Variants in WDR36 observed in about 807,000 individuals in gnomAD.
WDR36 encodes WD repeat-containing protein 36.
A neutral mutation model predicts 112.7 loss-of-function variants in WDR36; 63 were observed. The observed-to-expected ratio is 0.56, with a 90% confidence interval of 0.46 to 0.69. The LOEUF (loss-of-function observed/expected upper bound fraction) is 0.69. WDR36 is among the 30% of genes least tolerant of loss of function. WDR36 has a pLI of 0.00. For synonymous variants in WDR36, 410 were observed against 362.2 expected, an observed-to-expected ratio of 1.13 and a Z score of -1.50; for missense variants, 1,226 against 1,070.3, an observed-to-expected ratio of 1.15 and a Z score of -2.03.
In WDR36 at chr5:111,094,941, G is replaced by A. The variant is rs953299309; in HGVS notation, c.184G>A (p.Ala62Thr). The change falls in exon 2 of 23, where the codon GCA becomes ACA. Residue 62 changes from alanine (A) to threonine (T), a missense_variant. Coordinates refer to ENST00000513710, the MANE Select transcript of WDR36 (RefSeq NM_139281.3). ...TYDVQKLSLV[A>T]VSNSVPQDIC... ...ACAGGTTCAGAAACTTAGTCTGGTT[G>A]CAGTAAGTAAGTATGGACTTTATTC... is the stretch of plus-strand genomic sequence containing the variant. 26 of 1,606,534 alleles carry A rather than the reference G, an allele frequency of 1.6e-5. No homozygotes were observed. Among genetic ancestry groups the A allele is most frequent in the Non-Finnish European group, 2.1e-5 (25 of 1,175,516 alleles).
At position 111,129,981 on chromosome 5, in the gene WDR36, A is replaced by C. The variant is rs749901344; in HGVS notation, c.*3098A>C. ...TGAAATGCTGTTTCATTATGTGTTAAATTCTTTCACTGAGCTCTTCCATAT... is the reference window on the plus strand; with the variant it reads ...TGAAATGCTGTTTCATTATGTGTTACATTCTTTCACTGAGCTCTTCCATAT... On this transcript the variant is annotated 3_prime_UTR_variant, in exon 23 of 23. Coordinates refer to ENST00000513710, the MANE Select transcript of WDR36 (RefSeq NM_139281.3). 4.7e-6 allele frequency: 1 copy of C among 211,070 alleles called. No homozygotes were observed. Among genetic ancestry groups the C allele is most frequent in the African/African-American group, 2.3e-5 (1 of 44,100 alleles). The allele number at this position is 211,070 out of a possible 1,614,324, so 13.1% of individuals were successfully genotyped here. A position where few individuals can be genotyped will look rare whatever the true frequency, so the allele number is the denominator to read the frequency against.
rs559516065 is a variant in WDR36, at chr5:111,106,262, G to T, written c.1180+119G>T. 1.1e-4 allele frequency: 97 copies of T among 884,368 alleles called. No homozygotes were observed. The African/African-American group carries it at 1.4e-3, about 13-fold the overall frequency. The allele number at this position is 884,368 out of a possible 1,614,324, so 54.8% of individuals were successfully genotyped here. ...ACAAATATTAATAAGCATTCAGAAG[G>T]TAACCCCAGGTGCATGCTGGTCTTG... On this transcript the variant is annotated intron_variant, in intron 11 of 22. Transcript: ENST00000513710.
At chr5:111,092,655 A>C in intron 1 of WDR36, 37 bp downstream of exon 1, 2 of 1,589,198 alleles carry the variant, frequency 1.3e-6, no homozygotes, top group Admixed American at 1.7e-5. Flanking sequence ...CAGGAAAACC[A>C]CCCTCCTTGG....
intron 3 of WDR36, among the ~76,000 whole-genome samples, chr5:111,098,021 A>G (rs970872984): frequency 4.6e-5 from 7 of 152,208 alleles, no homozygotes; most frequent in African/African-American, 1.7e-4. Flanking sequence ...TTTATCCTAT[A>G]TGTATAACCT....
chr5:111,122,724 C>G (rs1220873462), intron 19 of WDR36, among the ~76,000 whole-genome samples: 3 of 152,162 alleles, frequency 2.0e-5, no homozygotes, highest in African/African-American at 7.2e-5. Context: ...GAATGTCTCC[C>G]TAGGGCGGCA....
At chr5:111,119,293 A>G (rs1013367136) in intron 17 of WDR36, among the ~76,000 whole-genome samples, 173 bp downstream of exon 17, 9 of 152,198 alleles carry the variant, frequency 5.9e-5, no homozygotes, top group Admixed American at 2.0e-4. Context: ...TCTGCTTGAT[A>G]ATGTAGACAG....
At chr5:111,115,079 T>G (rs1207933488) in intron 16 of WDR36, among the ~76,000 whole-genome samples, 1 of 152,212 alleles carries the variant, frequency 6.6e-6, no homozygotes. Context: ...TCTAGTATCT[T>G]TATTTTTAGG....
chr5:111,108,214 T>C (rs1753257421), intron 12 of WDR36, among the ~76,000 whole-genome samples: 1 of 151,312 alleles, frequency 6.6e-6, no homozygotes, highest in Non-Finnish European at 1.5e-5. Flanking sequence ...TTCTTTCTAA[T>C]GTTACTGAAG....
chr5:111,108,226 A>G (rs757858754), intron 12 of WDR36, among the ~76,000 whole-genome samples: 8 of 151,118 alleles, frequency 5.3e-5, no homozygotes, highest in Non-Finnish European at 1.0e-4. Flanking sequence ...TTACTGAAGT[A>G]GAGTTTTTTT....
At chr5:111,107,116 T>C (rs1753236095) in intron 11 of WDR36, among the ~76,000 whole-genome samples, 178 bp from the exon 12 acceptor site, 1 of 151,464 alleles carries the variant, frequency 6.6e-6, no homozygotes, top group African/African-American at 2.4e-5. Flanking sequence ...AATACACACA[T>C]TTTTTATTTG....
rs752958768 is a variant in WDR36, at chr5:111,107,439, A to T, written c.1326A>T (p.Thr442=). 10 of 1,609,436 alleles carry T rather than the reference A, an allele frequency of 6.2e-6. No individual in the cohort carries two copies. The Admixed American group carries it at 1.7e-4, about 27-fold the overall frequency. The change falls in exon 12 of 23, where the codon ACA becomes ACT. Residue 442 remains threonine (T), a splice_region_variant and synonymous_variant. Transcript: ENST00000513710. The part of the protein sequence containing the change: ...KELKKDDITA[T]AVDITSCGNF... ...TGAAGAAAGATGACATAACTGCAAC[A>T]GTAAGTGAGCTTGTTTATAAGAGTA...
chr5:111,094,416 T>G (rs1251436863), intron 1 of WDR36, among the ~76,000 whole-genome samples: 1 of 152,146 alleles, frequency 6.6e-6, no homozygotes, highest in African/African-American at 2.4e-5. Flanking sequence ...TGTAAGCCAG[T>G]CTAGCCCACT....
At chr5:111,092,750 A>G in intron 1 of WDR36, 132 bp downstream of exon 1, 2 of 1,161,664 alleles carry the variant, frequency 1.7e-6, no homozygotes, top group Non-Finnish European at 1.2e-6. Context: ...TGTCCTATTA[A>G]TATTTCGCCA....
rs1474003904 is a variant in WDR36, at chr5:111,125,724, A to G, written c.2467A>G (p.Met823Val). The change falls in exon 22 of 23, where the codon ATG becomes GTG. Residue 823 changes from methionine to valine, a missense_variant. Coordinates refer to ENST00000513710, the MANE Select transcript of WDR36 (RefSeq NM_139281.3). ...SIEVMQSFLK[M>V]IGMMLDRKRD... is the part of the protein sequence containing the mutation. ...AGAAGTTATGCAGAGCTTCTTGAAA[A>G]TGATTGGGATGATGCTGGACAGAAA... 1 of 1,613,838 alleles carries G rather than the reference A, an allele frequency of 6.2e-7. No individual in the cohort carries two copies. The highest frequency in any genetic ancestry group is 2.2e-5 in the East Asian group (1 of 44,882).
Position 111,126,973 on chromosome 5 carries a change from A to G in WDR36, c.*90A>G. On this transcript the variant is annotated 3_prime_UTR_variant, in exon 23 of 23. Coordinates refer to ENST00000513710, the MANE Select transcript of WDR36 (RefSeq NM_139281.3). ...TTTCCAAGTGTCAATGTGAAAAGAA[A>G]ATAAATGCTAGCACTACTGACTAGT... 1 of 1,278,724 alleles carries G rather than the reference A, an allele frequency of 7.8e-7. No homozygotes were observed. Among genetic ancestry groups the G allele is most frequent in the Non-Finnish European group, 1.1e-6 (1 of 935,306 alleles). The allele number at this position is 1,278,724 out of a possible 1,614,324, so 79.2% of individuals were successfully genotyped here. A position where few individuals can be genotyped will look rare whatever the true frequency, so the allele number is the denominator to read the frequency against.
intron 8 of WDR36, 55 bp from the exon 9 acceptor site, chr5:111,104,642 G>C (rs1561703807): frequency 6.2e-7 from 1 of 1,609,804 alleles, no homozygotes; most frequent in South Asian, 1.1e-5. Flanking sequence ...TGATTTGACT[G>C]CTTGCAGATC....
chr5:111,123,761 G>A, intron 19 of WDR36, 44 bp from the exon 20 acceptor site: 1 of 1,606,928 alleles, frequency 6.2e-7, no homozygotes, highest in Non-Finnish European at 8.5e-7. Context: ...AGAAACTGTT[G>A]GCAAGATAAT....
chr5:111,095,045 A>T, intron 2 of WDR36, 98 bp downstream of exon 2: 2 of 1,105,442 alleles, frequency 1.8e-6, no homozygotes, highest in Non-Finnish European at 2.7e-6. Context: ...AAGCCAAGGT[A>T]ACATGTATGT....
intron 16 of WDR36, among the ~76,000 whole-genome samples, chr5:111,118,464 CT>C (rs542914540): frequency 3.9e-4 from 60 of 152,246 alleles, no homozygotes; most frequent in Admixed American, 1.2e-3. Flanking sequence ...CTTTATGGTT[CT>C]TCTCTAGAGA....
Sources: allele counts gnomAD v4.1 joint callset (sites outside exome capture counted in the v4.1 genomes callset), GRCh38; gene constraint gnomAD v4.1.1; transcripts MANE v1.5; gene names NCBI Gene and HGNC (gene_info 2026-07-23, HGNC 2026-07-21).